Variants in TEX11 observed in about 807,000 individuals in gnomAD.
TEX11 encodes the protein testis expressed 11, also known as testis-expressed protein 11.
TEX11 carries 7 observed loss-of-function variants against 84.4 expected under a neutral mutation model. That is an observed-to-expected ratio of 0.08 (90% CI 0.05 to 0.16). TEX11 has a LOEUF of 0.16. TEX11 is among the 10% of genes least tolerant of loss of function. The pLI is 1.00. For synonymous variants in TEX11, 264 were observed against 222.8 expected (o/e 1.18, Z -1.64); for missense variants, 551 against 660.5 (o/e 0.83, Z 1.82).
intron 25 of TEX11, among the ~76,000 whole-genome samples, chrX:70,582,286 T>C (rs1360339878): frequency 8.9e-6 from 1 of 111,785 alleles, no homozygotes; most frequent in African/African-American, 3.2e-5. Flanking sequence ...AGTATTATAA[T>C]AAAAATAGTT....
At chrX:70,616,580 T>A (rs943954164) in intron 20 of TEX11, among the ~76,000 whole-genome samples, 9 of 111,854 alleles carry the variant, frequency 8.0e-5, no homozygotes, top group Non-Finnish European at 1.5e-4. Flanking sequence ...CTCCCATGTT[T>A]GTTGCAGCAC....
intron 25 of TEX11, among the ~76,000 whole-genome samples, chrX:70,574,705 T>G (rs2088650870): frequency 8.9e-6 from 1 of 112,090 alleles, no homozygotes; most frequent in African/African-American, 3.2e-5. Context: ...TCTGCCTGCA[T>G]GGAACTTGGA....
chrX:70,548,807 T>C (rs758139368), intron 28 of TEX11, among the ~76,000 whole-genome samples: 10 of 111,955 alleles, frequency 8.9e-5, no homozygotes, highest in Non-Finnish European at 1.7e-4. Context: ...TCTGGGGTTC[T>C]AAATAAATTT....
chrX:70,839,335 T>C (rs990747894), intron 7 of TEX11, among the ~76,000 whole-genome samples: 3 of 111,624 alleles, frequency 2.7e-5, no homozygotes, highest in Non-Finnish European at 3.8e-5. Context: ...AGTTCACCAA[T>C]ATCTGCTGTT....
chrX:70,901,473 T>C (rs1389112369), intron 2 of TEX11, among the ~76,000 whole-genome samples: 1 of 111,874 alleles, frequency 8.9e-6, no homozygotes, highest in Non-Finnish European at 1.9e-5. Context: ...GGGACCAGTT[T>C]TGTAGAAGAC....
intron 15 of TEX11, among the ~76,000 whole-genome samples, chrX:70,672,139 G>A (rs1409019835): frequency 5.5e-5 from 6 of 109,019 alleles, no homozygotes; most frequent in Admixed American, 9.9e-5. Flanking sequence ...GGCCCCTTTC[G>A]CTCAGCAAAA....
At chrX:70,655,473 C>T (rs1348593259) in intron 16 of TEX11, among the ~76,000 whole-genome samples, 1 of 111,586 alleles carries the variant, frequency 9.0e-6, no homozygotes. Context: ...AGATGCCTGC[C>T]ATTTTGCCAG....
intron 16 of TEX11, among the ~76,000 whole-genome samples, chrX:70,659,648 T>C (rs1033274972): frequency 1.8e-5 from 2 of 112,036 alleles, no homozygotes; most frequent in Non-Finnish European, 3.8e-5. Context: ...AGTAGGATGA[T>C]TGTTCAAAAT....
At chrX:70,644,010 G>C (rs1185364300) in intron 17 of TEX11, among the ~76,000 whole-genome samples, 4 of 102,863 alleles carry the variant, frequency 3.9e-5, no homozygotes, top group Non-Finnish European at 7.9e-5. Flanking sequence ...GAAAATTTTC[G>C]CAACCTACTC....
intron 17 of TEX11, among the ~76,000 whole-genome samples, chrX:70,636,664 T>C (rs2089578419): frequency 8.9e-6 from 1 of 112,154 alleles, no homozygotes; most frequent in Non-Finnish European, 1.9e-5. Flanking sequence ...GGTCAGCCAA[T>C]GGGGGCCTAA....
At chrX:70,798,874 G>T (rs2091171105) in intron 9 of TEX11, among the ~76,000 whole-genome samples, 1 of 102,887 alleles carries the variant, frequency 9.7e-6, no homozygotes, top group African/African-American at 3.3e-5. Context: ...TGTAAGACCA[G>T]AAACTGTAAA....
intron 25 of TEX11, among the ~76,000 whole-genome samples, chrX:70,591,445 T>C (rs1304200667): frequency 9.2e-6 from 1 of 109,225 alleles, no homozygotes; most frequent in Non-Finnish European, 1.9e-5. Flanking sequence ...TACCAAAAAA[T>C]AGAAAAGTTT....
chrX:70,688,313 C>A (rs928615871), intron 13 of TEX11, among the ~76,000 whole-genome samples: 3 of 111,348 alleles, frequency 2.7e-5, no homozygotes, highest in African/African-American at 9.8e-5. Flanking sequence ...AAACTTAGAT[C>A]TACTCAAAAA....
chrX:70,639,543 G>T (rs1397263963), intron 17 of TEX11, among the ~76,000 whole-genome samples: 1 of 111,773 alleles, frequency 8.9e-6, no homozygotes. Flanking sequence ...AAGAGAGCAG[G>T]GGTTCTCCCA....
Position 70,605,432 on chromosome X carries a change from T to C in TEX11, c.2036A>G (p.Gln679Arg). The C allele has an allele frequency of 8.3e-7, 1 of 1,208,279 alleles. No individual in the cohort carries two copies. The highest frequency in any genetic ancestry group is 1.1e-6 in the Non-Finnish European group (1 of 892,772). ...LLMAVAVDLEQGRKASTAFEQ... is the reference protein window; with the variant it reads ...LLMAVAVDLERGRKASTAFEQ... The stretch of plus-strand genomic sequence containing the variant: ...AAAAGCTGTTGAAGCTTTTCTCCCT[T>C]GCTCTAGATCAACTGCAACTGCCAT... Residue 679 changes from glutamine to arginine, a missense_variant, in exon 24 of 30, where the codon CAA (glutamine) becomes CGA (arginine). Transcript: ENST00000374333.
At chrX:70,899,105 T>C (rs1000872223) in intron 2 of TEX11, among the ~76,000 whole-genome samples, 7 of 112,167 alleles carry the variant, frequency 6.2e-5, no homozygotes, top group African/African-American at 2.3e-4. Flanking sequence ...AAGGAAAAGA[T>C]AGTTCAGGGA....
chrX:70,870,729 T>C (rs1020912827), intron 4 of TEX11, among the ~76,000 whole-genome samples: 1 of 112,136 alleles, frequency 8.9e-6, no homozygotes, highest in East Asian at 2.8e-4. Context: ...AGTTAAAATC[T>C]CACTACTTTG....
intron 9 of TEX11, among the ~76,000 whole-genome samples, chrX:70,769,427 T>C (rs748082724): frequency 1.8e-5 from 2 of 111,658 alleles, no homozygotes; most frequent in Non-Finnish European, 3.8e-5. Flanking sequence ...CCTAAAAGAC[T>C]AGAGATCTAT....
At chrX:70,875,568 G>A (rs1400389425) in intron 3 of TEX11, among the ~76,000 whole-genome samples, 1 of 97,832 alleles carries the variant, frequency 1.0e-5, no homozygotes, top group East Asian at 3.3e-4. Context: ...GTGAAACCCC[G>A]TCTCTACTAA....
Sources: allele counts gnomAD v4.1 joint callset (sites outside exome capture counted in the v4.1 genomes callset), GRCh38; gene constraint gnomAD v4.1.1; transcripts MANE v1.5; gene names NCBI Gene and HGNC (gene_info 2026-07-23, HGNC 2026-07-21).